The following EAF1 variants were observed in gnomAD, a reference collection of about 807,000 sequenced individuals.
EAF1 encodes the protein ELL-associated factor 1.
In EAF1, 19 loss-of-function variants were observed where a neutral mutation model predicts 26.6. That is an observed-to-expected ratio of 0.71 (90% confidence interval 0.50 to 1.05). EAF1 has a LOEUF of 1.05. Among genes scored for constraint, EAF1 ranks in the 50% least tolerant of loss-of-function variants. The probability of loss-of-function intolerance (pLI) is 0.00; values close to 1 mark genes in which losing one functional copy is unlikely to be tolerated. For missense variants in EAF1, 260 were observed against 335.5 expected (o/e 0.78, Z 1.76); for synonymous variants, 102 against 120.6 (o/e 0.85, Z 1.01).
At chr3:15,433,735 A>C (rs985246148) in intron 3 of EAF1, among the ~76,000 whole-genome samples, 1 of 152,264 alleles carries the variant, frequency 6.6e-6, no homozygotes, top group African/African-American at 2.4e-5. Context: ...TCATGCACTC[A>C]TGATTATAAT....
intron 4 of EAF1, among the ~76,000 whole-genome samples, chr3:15,434,902 C>A (rs1041570886): frequency 6.6e-6 from 1 of 152,144 alleles, no homozygotes; most frequent in Non-Finnish European, 1.5e-5. Context: ...TAGGTGGCAA[C>A]CTTTCTGAGC....
intron 4 of EAF1, 50 bp downstream of exon 4, chr3:15,434,588 A>G: frequency 1.9e-6 from 3 of 1,597,320 alleles, no homozygotes; most frequent in South Asian, 2.2e-5. Flanking sequence ...TAGAGTGCTG[A>G]ATTTTCTTGT....
intron 2 of EAF1, among the ~76,000 whole-genome samples, chr3:15,430,736 G>T (rs1469811674): frequency 1.3e-5 from 2 of 152,202 alleles, no homozygotes; most frequent in African/African-American, 4.8e-5. Context: ...TAAATTGAAA[G>T]CTGGATTAAG....
intron 5 of EAF1, 96 bp from the exon 6 acceptor site, chr3:15,439,013 G>T: frequency 8.3e-7 from 1 of 1,200,308 alleles, no homozygotes. Context: ...TAGTGTGATA[G>T]CCAAGGCAAT....
intron 1 of EAF1, among the ~76,000 whole-genome samples, chr3:15,429,086 A>C (rs1227493090): frequency 6.6e-6 from 1 of 152,212 alleles, no homozygotes; most frequent in Non-Finnish European, 1.5e-5. Flanking sequence ...GGCAGGTGTG[A>C]ATGTGAATTA....
chr3:15,430,872 A>G (rs2061798426), intron 2 of EAF1, among the ~76,000 whole-genome samples: 2 of 152,208 alleles, frequency 1.3e-5, no homozygotes. Flanking sequence ...GTCCTGGAAC[A>G]TAAGTTCTCG....
chr3:15,429,530 T>C (rs986364391), intron 1 of EAF1, among the ~76,000 whole-genome samples: 8 of 152,164 alleles, frequency 5.3e-5, no homozygotes, highest in African/African-American at 1.9e-4. Context: ...AAGCAACTTA[T>C]TATGGATGAT....
intron 4 of EAF1, 192 bp from the exon 5 acceptor site, chr3:15,436,150 G>C (rs946489758): frequency 4.5e-6 from 2 of 443,052 alleles, no homozygotes; most frequent in Non-Finnish European, 8.1e-6. Flanking sequence ...TTTCCATTGT[G>C]TCTCTGGAAA....
intron 4 of EAF1, among the ~76,000 whole-genome samples, chr3:15,435,486 TC>T: frequency 6.6e-6 from 1 of 152,200 alleles, no homozygotes; most frequent in African/African-American, 2.4e-5. Flanking sequence ...TTTTTTTTTT[TC>T]CTCATGGATA....
intron 3 of EAF1, among the ~76,000 whole-genome samples, chr3:15,432,468 A>G (rs1208221610): frequency 6.6e-6 from 1 of 152,238 alleles, no homozygotes; most frequent in African/African-American, 2.4e-5. Flanking sequence ...AGGGGGATAT[A>G]CTTTATAATT....
At chr3:15,437,510 ACTC>A (rs771652032) in intron 5 of EAF1, among the ~76,000 whole-genome samples, 13 of 149,822 alleles carry the variant, frequency 8.7e-5, no homozygotes, top group Non-Finnish European at 1.6e-4. Flanking sequence ...CTGGTCTTGA[ACTC>A]CTCCTGGGTA....
At chr3:15,431,354 G>A (rs903898049) in intron 2 of EAF1, among the ~76,000 whole-genome samples, 1 of 152,214 alleles carries the variant, frequency 6.6e-6, no homozygotes, top group African/African-American at 2.4e-5. Flanking sequence ...AGATCTGGAG[G>A]TTGGGTCATT....
intron 5 of EAF1, among the ~76,000 whole-genome samples, chr3:15,437,420 C>T (rs116606650): frequency 0.016 from 2,458 of 151,418 alleles, 53 homozygotes; most frequent in African/African-American, 0.055. Context: ...CCCAAAGTGC[C>T]GAGATTATAG....
intron 1 of EAF1, among the ~76,000 whole-genome samples, chr3:15,428,735 A>G (rs916759280): frequency 6.6e-6 from 1 of 152,206 alleles, no homozygotes; most frequent in East Asian, 1.9e-4. Flanking sequence ...GCAGTTAGGA[A>G]TTGGCTGACA....
chr3:15,436,881 C>T lies in EAF1; in HGVS notation c.760+306C>T, dbSNP rs113601142. On this transcript the variant is annotated intron_variant, in intron 5 of 5. Transcript: ENST00000396842. ...AGACTTTCGGGGAGCTACCTGCCAC[C>T]ATACTGCTCTCTGCCCATTGGTCTT... 7.6e-3 allele frequency among the ~76,000 whole-genome samples: 1,158 copies of T among 152,264 alleles called. 23 individuals carry two copies. The highest frequency in any genetic ancestry group is 0.027 in the African/African-American group (1,110 of 41,562).
At position 15,439,389 on chromosome 3, in the gene EAF1, C is replaced by T. The variant is rs374701286; in HGVS notation, c.*234C>T. The T allele has an allele frequency of 2.4e-6, 1 of 412,734 alleles. No individual in the cohort carries two copies. The allele number at this position is 412,734 out of a possible 1,614,324, so 25.6% of individuals were successfully genotyped here. On this transcript the variant is annotated 3_prime_UTR_variant, in exon 6 of 6. Coordinates refer to ENST00000396842, the MANE Select transcript of EAF1 (RefSeq NM_033083.7). ...AAGTTTAAGTAGACCTGTAGAAGAG[C>T]TAACAGAATTATATTTCTATTTAGT...
At chr3:15,433,917 G>T (rs570815883) in intron 3 of EAF1, among the ~76,000 whole-genome samples, 1 of 152,190 alleles carries the variant, frequency 6.6e-6, no homozygotes, top group South Asian at 2.1e-4. Flanking sequence ...GGGTTTTCAT[G>T]TGAAAAAATT....
intron 1 of EAF1, among the ~76,000 whole-genome samples, chr3:15,428,216 C>G (rs1398919454): frequency 6.6e-5 from 10 of 151,358 alleles, no homozygotes; most frequent in Admixed American, 3.9e-4. Flanking sequence ...AAACCTCCCC[C>G]CTCTTATCCG....
Position 15,439,873 on chromosome 3 carries a change from A to T in EAF1, c.*718A>T, listed in dbSNP as rs2061855982. 1 of 152,218 alleles carries T rather than the reference A, an allele frequency of 6.6e-6. No homozygotes were observed. The highest frequency in any genetic ancestry group is 1.5e-5 in the Non-Finnish European group (1 of 68,044). 9.4% of individuals were successfully genotyped at this position (152,218 alleles called of 1,614,324 possible). ...GAATCTCATTTGTAGGAATCAAGAG[A>T]TTCCTATACATGGGACTTTTAGATG... On this transcript the variant is annotated 3_prime_UTR_variant, in exon 6 of 6. Transcript: ENST00000396842.
Sources: gnomAD v4.1 joint callset for allele counts (sites outside exome capture counted in the v4.1 genomes callset) on GRCh38, gnomAD v4.1.1 for gene constraint, MANE v1.5 for transcripts, NCBI Gene and HGNC (gene_info 2026-07-23, HGNC 2026-07-21) for gene names.